Variants in HPSE2 observed in about 807,000 individuals in gnomAD.
HPSE2 encodes the protein inactive heparanase-2.
A neutral mutation model predicts 60.5 loss-of-function variants in HPSE2; 38 were observed. That is an observed-to-expected ratio of 0.63 (90% confidence interval 0.48 to 0.82). The LOEUF (loss-of-function observed/expected upper bound fraction) is 0.82, where lower values mean the gene tolerates loss of function less well. Ranked by LOEUF, HPSE2 falls within the 40% of genes least tolerant of loss-of-function variation. The probability of loss-of-function intolerance (pLI) is 0.00; values close to 1 mark genes in which losing one functional copy is unlikely to be tolerated. For missense variants in HPSE2, 713 were observed against 740.4 expected, an observed-to-expected ratio of 0.96 and a Z score of 0.43; for synonymous variants, 295 against 293.2, an observed-to-expected ratio of 1.01 and a Z score of -0.06.
At chr10:98,656,023 T>C (rs1015328800) in intron 6 of HPSE2, among the ~76,000 whole-genome samples, 2 of 151,986 alleles carry the variant, frequency 1.3e-5, no homozygotes, top group African/African-American at 4.8e-5. Context: ...AAATCCAACA[T>C]GTGAGAAAAG....
At chr10:99,203,881 C>T (rs1429408399) in intron 2 of HPSE2, among the ~76,000 whole-genome samples, 6 of 152,006 alleles carry the variant, frequency 3.9e-5, no homozygotes, top group African/African-American at 1.2e-4. Context: ...CTCCACCAGG[C>T]CCAAGGGTCC....
At chr10:99,193,618 G>A (rs925106324) in intron 2 of HPSE2, among the ~76,000 whole-genome samples, 2 of 151,940 alleles carry the variant, frequency 1.3e-5, no homozygotes, top group East Asian at 1.9e-4. Flanking sequence ...GGAAACCAAC[G>A]AAGAGCAAGA....
chr10:99,027,505 G>C (rs12218280), intron 3 of HPSE2, among the ~76,000 whole-genome samples: 15,606 of 152,168 alleles, frequency 0.1, 860 homozygotes, highest in South Asian at 0.19. Context: ...GGGCCTGATG[G>C]CTTCACTGAT....
At chr10:98,597,569 G>A (rs1448611872) in intron 9 of HPSE2, among the ~76,000 whole-genome samples, 3 of 152,014 alleles carry the variant, frequency 2.0e-5, no homozygotes, top group Non-Finnish European at 4.4e-5. Context: ...TACTTGGGAG[G>A]CTGAGGCAGA....
At chr10:98,814,895 C>T (rs572969716) in intron 3 of HPSE2, among the ~76,000 whole-genome samples, 3 of 152,312 alleles carry the variant, frequency 2.0e-5, no homozygotes, top group South Asian at 2.1e-4. Flanking sequence ...TAAAAACACT[C>T]AAGAGATTTC....
At position 98,563,685 on chromosome 10, in the gene HPSE2, C is replaced by T. The variant is rs564111752; in HGVS notation, c.1320+51219G>A. ...TTATTTTACTACTCAGAGATAACCACACTTGACATTTTTGCTATACTTTCT... is the reference window on the plus strand; with the variant it reads ...TTATTTTACTACTCAGAGATAACCATACTTGACATTTTTGCTATACTTTCT... On this transcript the variant is annotated intron_variant, in intron 9 of 11. Transcript: ENST00000370552. Among the ~76,000 whole-genome samples, 57 of 152,262 alleles carry T rather than the reference C, an allele frequency of 3.7e-4. 1 individual carries two copies. Among genetic ancestry groups the T allele is most frequent in the African/African-American group, 1.3e-3 (56 of 41,550 alleles).
chr10:98,833,674 A>G (rs149801398), intron 3 of HPSE2, among the ~76,000 whole-genome samples: 1 of 152,316 alleles, frequency 6.6e-6, no homozygotes, highest in Non-Finnish European at 1.5e-5. Context: ...AGACACTGCT[A>G]TGTTCGTCAC....
intron 9 of HPSE2, among the ~76,000 whole-genome samples, chr10:98,535,139 T>C (rs1206788910): frequency 6.6e-6 from 1 of 152,234 alleles, no homozygotes; most frequent in African/African-American, 2.4e-5. Context: ...TGAATGTCCG[T>C]CTTCTCAAAG....
intron 3 of HPSE2, among the ~76,000 whole-genome samples, chr10:98,871,275 A>C (rs1457514297): frequency 6.6e-6 from 1 of 152,138 alleles, no homozygotes; most frequent in Non-Finnish European, 1.5e-5. Context: ...ATACTTAAGG[A>C]TAGATCCTCT....
At chr10:99,036,729 T>G (rs1421207495) in intron 3 of HPSE2, among the ~76,000 whole-genome samples, 3 of 152,208 alleles carry the variant, frequency 2.0e-5, no homozygotes, top group Non-Finnish European at 1.5e-5. Flanking sequence ...AAAGAGGTCA[T>G]GGATATTTTC....
chr10:98,726,630 TATA>T (rs35016961), intron 4 of HPSE2, among the ~76,000 whole-genome samples: 8,712 of 143,544 alleles, frequency 0.061, 374 homozygotes, highest in African/African-American at 0.12. Flanking sequence ...AAACTTAAAG[TATA>T]ATAATAATAA....
chr10:98,624,134 T>A (rs1412133755), intron 7 of HPSE2, among the ~76,000 whole-genome samples: 1 of 152,218 alleles, frequency 6.6e-6, no homozygotes, highest in Non-Finnish European at 1.5e-5. Context: ...TTTTTGTTCT[T>A]GTTGTCTTAC....
At chr10:98,626,136 A>C (rs557160323) in intron 7 of HPSE2, among the ~76,000 whole-genome samples, 2 of 151,784 alleles carry the variant, frequency 1.3e-5, no homozygotes, top group Non-Finnish European at 2.9e-5. Flanking sequence ...AAAAAGAAAA[A>C]AGATGAATAA....
intron 3 of HPSE2, among the ~76,000 whole-genome samples, chr10:99,046,281 T>C (rs1251758955): frequency 1.3e-5 from 2 of 152,060 alleles, no homozygotes; most frequent in East Asian, 3.9e-4. Flanking sequence ...AAATCCAAAA[T>C]GTCTTTATGA....
At chr10:99,235,855 T>C (rs749230506), upstream of HPSE2, 21 of 1,509,540 alleles carry the variant, frequency 1.4e-5, no homozygotes, top group South Asian at 4.5e-5. Context: ...TAGTGACTAA[T>C]TGTCCTTATC....
intron 3 of HPSE2, among the ~76,000 whole-genome samples, chr10:98,822,703 A>C (rs533761425): frequency 6.6e-6 from 1 of 152,350 alleles, no homozygotes; most frequent in East Asian, 1.9e-4. Context: ...GGATACAAAA[A>C]TGATAAAAGT....
chr10:98,967,074 G>A (rs771154249), intron 3 of HPSE2, among the ~76,000 whole-genome samples: 8 of 152,272 alleles, frequency 5.3e-5, no homozygotes, highest in Middle Eastern at 6.8e-3. Flanking sequence ...ACGATTTAGA[G>A]GAGAAATAAA....
intron 9 of HPSE2, among the ~76,000 whole-genome samples, chr10:98,492,671 A>C (rs1489378849): frequency 6.6e-6 from 1 of 152,182 alleles, no homozygotes; most frequent in Non-Finnish European, 1.5e-5. Context: ...TCAATAGGAG[A>C]TAGCTAAATG....
chr10:99,136,482 A>G (rs1014800789), intron 3 of HPSE2, among the ~76,000 whole-genome samples: 2 of 152,224 alleles, frequency 1.3e-5, no homozygotes, highest in African/African-American at 4.8e-5. Context: ...ATCGATGCGA[A>G]AATCCTCAAT....
Sources: allele counts gnomAD v4.1 joint callset (sites outside exome capture counted in the v4.1 genomes callset), GRCh38; gene constraint gnomAD v4.1.1; transcripts MANE v1.5; gene names NCBI Gene and HGNC (gene_info 2026-07-23, HGNC 2026-07-21).